Variants in MALRD1 observed in about 807,000 individuals in gnomAD.
The protein encoded by MALRD1 is MAM and LDL receptor class A domain containing 1, also known as MAM and LDL-receptor class A domain-containing protein 1.
In MALRD1, 247 loss-of-function variants were observed where a neutral mutation model predicts 242.1. The ratio of observed to expected loss-of-function variants is 1.02; its 90% CI spans 0.92 to 1.13. MALRD1 has a LOEUF of 1.13. Ranked by LOEUF, MALRD1 falls within the 50% of genes most tolerant of loss-of-function variation. The pLI is 0.00. For missense variants in MALRD1, 2,989 were observed against 2,533.1 expected (o/e 1.18, Z -3.86); for synonymous variants, 995 against 866.6 (o/e 1.15, Z -2.60).
intron 11 of MALRD1, 89 bp downstream of exon 11, chr10:19,146,433 A>G (rs2131440817): frequency 2.7e-6 from 3 of 1,097,882 alleles, no homozygotes; most frequent in East Asian, 3.2e-5. Flanking sequence ...TCTATTCTGT[A>G]GACTGTATAC....
At chr10:19,233,779 C>T (rs1838184206) in intron 18 of MALRD1, among the ~76,000 whole-genome samples, 1 of 151,248 alleles carries the variant, frequency 6.6e-6, no homozygotes, top group African/African-American at 2.4e-5. Context: ...ATTTGAAGCA[C>T]TGGATTAAAA....
chr10:19,267,942 T>C (rs1840034817), intron 19 of MALRD1, among the ~76,000 whole-genome samples: 1 of 152,178 alleles, frequency 6.6e-6, no homozygotes, highest in Non-Finnish European at 1.5e-5. Context: ...AAGTCTGCGA[T>C]ATGTTCAATT....
intron 32 of MALRD1, among the ~76,000 whole-genome samples, chr10:19,560,176 GAC>G (rs1468608672): frequency 3.3e-5 from 5 of 152,270 alleles, no homozygotes; most frequent in African/African-American, 9.6e-5. Context: ...CTACTTTAAA[GAC>G]ACATGCATGG....
At chr10:19,235,598 GA>G (rs1838282031) in intron 18 of MALRD1, among the ~76,000 whole-genome samples, 1 of 151,086 alleles carries the variant, frequency 6.6e-6, no homozygotes, top group Admixed American at 6.6e-5. Context: ...GAGAGAGAGA[GA>G]GAGAGAGAGA....
intron 16 of MALRD1, 110 bp downstream of exon 16, chr10:19,204,523 A>G: frequency 1.4e-6 from 1 of 706,058 alleles, no homozygotes; most frequent in Non-Finnish European, 2.3e-6. Context: ...TGCTGGTTTT[A>G]CTCTAAAAAT....
chr10:19,174,371 A>G (rs1278345801), intron 13 of MALRD1, among the ~76,000 whole-genome samples: 1 of 152,110 alleles, frequency 6.6e-6, no homozygotes, highest in African/African-American at 2.4e-5. Flanking sequence ...AAGGTGTTGT[A>G]TTTTGAGATA....
intron 2 of MALRD1, among the ~76,000 whole-genome samples, chr10:19,082,403 T>C (rs1021269584): frequency 6.7e-6 from 1 of 150,096 alleles, no homozygotes; most frequent in Non-Finnish European, 1.5e-5. Flanking sequence ...AGTTATATAA[T>C]TGATTATAAT....
intron 24 of MALRD1, among the ~76,000 whole-genome samples, chr10:19,331,967 G>A (rs1165990969): frequency 6.6e-6 from 1 of 152,106 alleles, no homozygotes; most frequent in Non-Finnish European, 1.5e-5. Context: ...CCAGGTTCAA[G>A]TGATTGTCCT....
chr10:19,118,850 T>C (rs1836965498), intron 5 of MALRD1, among the ~76,000 whole-genome samples: 1 of 152,166 alleles, frequency 6.6e-6, no homozygotes, highest in Admixed American at 6.5e-5. Flanking sequence ...GAAAGAGGCC[T>C]TGGTTTATAT....
chr10:19,494,559 A>G (rs1423431087), intron 30 of MALRD1, among the ~76,000 whole-genome samples: 4 of 152,224 alleles, frequency 2.6e-5, no homozygotes, highest in African/African-American at 9.6e-5. Context: ...CTGACGGATG[A>G]AATATCCAGT....
chr10:19,728,050 G>T (rs1358341824), intron 38 of MALRD1, among the ~76,000 whole-genome samples: 1 of 152,146 alleles, frequency 6.6e-6, no homozygotes, highest in Non-Finnish European at 1.5e-5. Flanking sequence ...AAATAGGAAA[G>T]ACATTAAAAT....
At chr10:19,435,811 G>A (rs1019974650) in intron 28 of MALRD1, among the ~76,000 whole-genome samples, 1 of 152,126 alleles carries the variant, frequency 6.6e-6, no homozygotes, top group African/African-American at 2.4e-5. Flanking sequence ...CTCAAGGAGT[G>A]AGAAATCATG....
At chr10:19,480,255 G>A (rs936389127) in intron 29 of MALRD1, among the ~76,000 whole-genome samples, 6 of 152,134 alleles carry the variant, frequency 3.9e-5, no homozygotes, top group African/African-American at 7.2e-5. Flanking sequence ...GATATGTTGC[G>A]GAGAAATCTC....
At chr10:19,314,591 G>A (rs1215822032) in intron 21 of MALRD1, among the ~76,000 whole-genome samples, 1 of 151,658 alleles carries the variant, frequency 6.6e-6, no homozygotes, top group Non-Finnish European at 1.5e-5. Context: ...GAGCCTAACA[G>A]GCTGAATCTT....
intron 38 of MALRD1, among the ~76,000 whole-genome samples, chr10:19,718,964 C>G (rs1022846513): frequency 1.3e-5 from 2 of 150,038 alleles, no homozygotes; most frequent in Non-Finnish European, 3.0e-5. Context: ...TCTTGGAGCT[C>G]GAGGCAACAC....
intron 38 of MALRD1, among the ~76,000 whole-genome samples, chr10:19,706,452 C>T (rs1289229773): frequency 6.6e-6 from 1 of 152,090 alleles, no homozygotes; most frequent in Non-Finnish European, 1.5e-5. Flanking sequence ...AGTGATTCTC[C>T]TGCCTCAGTC....
intron 18 of MALRD1, among the ~76,000 whole-genome samples, chr10:19,233,359 A>T (rs1838164986): frequency 6.6e-6 from 1 of 152,032 alleles, no homozygotes; most frequent in Non-Finnish European, 1.5e-5. Flanking sequence ...AAAATTAGCC[A>T]GGTGTGGTGG....
chr10:19,266,544 T>C (rs746805726), intron 19 of MALRD1, among the ~76,000 whole-genome samples: 16 of 151,826 alleles, frequency 1.1e-4, no homozygotes, highest in Non-Finnish European at 1.8e-4. Context: ...TTTACATCTT[T>C]TTATATTTAT....
At chr10:19,149,202 A>G (rs1301937990) in intron 11 of MALRD1, among the ~76,000 whole-genome samples, 1 of 151,512 alleles carries the variant, frequency 6.6e-6, no homozygotes, top group African/African-American at 2.4e-5. Flanking sequence ...TGCAAACTCC[A>G]CCTCCCAGGT....
Sources: gnomAD v4.1 joint callset for allele counts (sites outside exome capture counted in the v4.1 genomes callset) on GRCh38, gnomAD v4.1.1 for gene constraint, MANE v1.5 for transcripts, NCBI Gene and HGNC (gene_info 2026-07-23, HGNC 2026-07-21) for gene names.